RUSC1: variants seen among roughly 807,000 people sequenced by gnomAD.
RUSC1 encodes AP-4 complex accessory subunit RUSC1.
In RUSC1, 40 loss-of-function variants were observed where a neutral mutation model predicts 72.1. The ratio of observed to expected loss-of-function variants is 0.55; its 90% CI spans 0.43 to 0.72. RUSC1 has a LOEUF of 0.72. RUSC1 is among the 30% of genes least tolerant of loss of function. The pLI, the probability that RUSC1 is intolerant of heterozygous loss-of-function variation, is 0.00. For missense variants in RUSC1, 1,092 were observed against 1,172.3 expected, an observed-to-expected ratio of 0.93 and a Z score of 1.00; for synonymous variants, 512 against 494.2, an observed-to-expected ratio of 1.04 and a Z score of -0.48.
At position 155,330,658 on chromosome 1, in the gene RUSC1, C is replaced by T. The variant is rs1558002819; in HGVS notation, c.*87C>T. 8 of 1,319,904 alleles carry T rather than the reference C, an allele frequency of 6.1e-6. No homozygotes were observed. The highest frequency in any genetic ancestry group is 8.1e-6 in the Non-Finnish European group (8 of 982,090). 81.8% of individuals were successfully genotyped at this position (1,319,904 alleles called of 1,614,324 possible). Reference sequence around the variant, plus strand: ...GAACACCATCCCAGAAGCATTTTCCCTCTGCAAAATGACGTTTCTTCCCAC... The same window carrying T: ...GAACACCATCCCAGAAGCATTTTCCTTCTGCAAAATGACGTTTCTTCCCAC... On this transcript the variant is annotated 3_prime_UTR_variant, in exon 10 of 10. Transcript: ENST00000368352.
chr1:155,323,501 T>C (rs970721268), intron 2 of RUSC1: 3 of 165,980 alleles, frequency 1.8e-5, no homozygotes, highest in Non-Finnish European at 2.6e-5. Context: ...GGGTCTCTGC[T>C]CCTGGCTCCT....
chr1:155,322,052 G>A lies in RUSC1; in HGVS notation c.279G>A (p.Gly93=). The change falls in exon 2 of 10, where the codon GGG becomes GGA. Residue 93 remains glycine (G), a synonymous_variant. Transcript: ENST00000368352. ...AGGACCCGTCACAGGAGGAAGAGGG[G>A]GCTGCCTCTCCCTCAGACCCAGGCT... is the stretch of plus-strand genomic sequence containing the variant. ...NRQDPSQEEE[G]AASPSDPGCS... is the part of the protein sequence containing the mutation. 2 of 1,613,590 alleles carry A rather than the reference G, an allele frequency of 1.2e-6. No homozygotes were observed. Among genetic ancestry groups the A allele is most frequent in the East Asian group, 2.2e-5 (1 of 44,884 alleles).
intron 2 of RUSC1, 136 bp from the exon 3 acceptor site, chr1:155,324,709 G>T (rs925125262): frequency 3.2e-6 from 5 of 1,558,464 alleles, no homozygotes; most frequent in East Asian, 4.5e-5. Flanking sequence ...TGCTTCAGGC[G>T]GTCCTGCGCC....
At chr1:155,324,070 G>A (rs1397307667) in intron 2 of RUSC1, 6 of 1,122,906 alleles carry the variant, frequency 5.3e-6, no homozygotes, top group Non-Finnish European at 5.5e-6. Flanking sequence ...TAGTGGACGC[G>A]GGCTTACCCA....
rs201539701 is a variant in RUSC1, at chr1:155,321,981, C to T, written c.208C>T (p.Pro70Ser). The part of the protein sequence containing the change: ...VDANSNSPAV[P>S]CRCCQEHGPG... The stretch of plus-strand genomic sequence containing the variant: ...CGCCAATTCCAACAGCCCAGCTGTG[C>T]CCTGCCGGTGCTGCCAGGAGCACGG... The change falls in exon 2 of 10, where the codon CCC becomes TCC. Residue 70 changes from proline to serine, a missense_variant. Physicochemically the swap from Pro to Ser is moderately conservative, Grantham distance 74. Transcript: ENST00000368352. The T allele has an allele frequency of 6.4e-5, 103 of 1,599,500 alleles. No individual in the cohort carries two copies. In the Middle Eastern group the frequency reaches 1.0e-3, roughly 16 times the overall value.
chr1:155,326,401 G>C lies in RUSC1; in HGVS notation c.1862-179G>C. On this transcript the variant is annotated intron_variant, in intron 7 of 9. Transcript: ENST00000368352. This position sits in a 1 kb window ranked among gnomAD's most constrained non-coding sequence, Gnocchi z 4.7. ...TTGCTGTGTGTGTCTTCCTATTTGG[G>C]CTAGGTTCCATGCAGGCGGGGATGT... 1 of 627,656 alleles carries C rather than the reference G, an allele frequency of 1.6e-6. No individual in the cohort carries two copies. The allele number at this position is 627,656 out of a possible 1,614,324, so 38.9% of individuals were successfully genotyped here. A position where few individuals can be genotyped will look rare whatever the true frequency, so the allele number is the denominator to read the frequency against.
Position 155,324,870 on chromosome 1 carries a change from T to C in RUSC1, c.1383T>C (p.Gly461=). Reference sequence around the variant, plus strand: ...TCCGTAGTTCGTGGTCCTTCGCCGGTGTCCCCGGAGCCCAGCGGCTGTGGA... The same window carrying C: ...TCCGTAGTTCGTGGTCCTTCGCCGGCGTCCCCGGAGCCCAGCGGCTGTGGA... ...LEVRSSWSFA[G]VPGAQRLWMA... is the part of the protein sequence containing the mutation. The change falls in exon 3 of 10, where the codon GGT becomes GGC. Residue 461 remains glycine, a synonymous_variant. Transcript: ENST00000368352. 6.2e-7 allele frequency: 1 copy of C among 1,614,232 alleles called. No homozygotes were observed. Among genetic ancestry groups the C allele is most frequent in the Non-Finnish European group, 8.5e-7 (1 of 1,180,034 alleles).
chr1:155,330,517 G>C lies in RUSC1; in HGVS notation c.2655G>C (p.Gly885=), dbSNP rs1440942940. ...TTVDEDWLRC[G]RDGMEGLVPV... is the part of the protein sequence containing the mutation. ...TGGATGAGGACTGGCTCCGCTGTGG[G>C]CGGGATGGCATGGAGGGTCTGGTGC... The change falls in exon 10 of 10, where the codon GGG becomes GGC. Residue 885 remains glycine (G), a synonymous_variant. Coordinates refer to ENST00000368352, the MANE Select transcript of RUSC1 (RefSeq NM_001105203.2). 1.2e-6 allele frequency: 2 copies of C among 1,613,766 alleles called. No individual in the cohort carries two copies. The highest frequency in any genetic ancestry group is 1.7e-6 in the Non-Finnish European group (2 of 1,179,880).
At chr1:155,324,652 G>T in intron 2 of RUSC1, 193 bp from the exon 3 acceptor site, 1 of 1,527,552 alleles carries the variant, frequency 6.5e-7, no homozygotes, top group East Asian at 2.3e-5. Flanking sequence ...AGCGAGTGCT[G>T]GGAAGTGTGC....
chr1:155,321,752 C>A lies in RUSC1; in HGVS notation c.-22C>A, dbSNP rs1650556205. ...CCCTACCCTTCTGGTTCTCTAGAAG[C>A]CATCCCATCGCCGCTAGCATCATGC... On this transcript the variant is annotated 5_prime_UTR_variant, in exon 2 of 10. Transcript: ENST00000368352. 1.9e-6 allele frequency: 3 copies of A among 1,613,422 alleles called. No individual in the cohort carries two copies. The highest frequency in any genetic ancestry group is 1.1e-5 in the South Asian group (1 of 91,026).
At position 155,322,617 on chromosome 1, in the gene RUSC1, A is replaced by G. The variant is rs1215884157; in HGVS notation, c.844A>G (p.Arg282Gly). ...KFDSGWKTNT[R>G]ITDSGSKTDA... ...CGACTCTGGTTGGAAAACCAACACA[A>G]GAATAACTGATTCTGGCTCGAAAAC... Residue 282 changes from arginine to glycine, a missense_variant, in exon 2 of 10, where the codon AGA becomes GGA. Coordinates refer to ENST00000368352, the MANE Select transcript of RUSC1 (RefSeq NM_001105203.2). 6.2e-7 allele frequency: 1 copy of G among 1,614,284 alleles called. No homozygotes were observed. Among genetic ancestry groups the G allele is most frequent in the Admixed American group, 1.7e-5 (1 of 60,032 alleles).
chr1:155,328,196 G>A lies in RUSC1; in HGVS notation c.2461G>A (p.Val821Met). 1 of 1,613,592 alleles carries A rather than the reference G, an allele frequency of 6.2e-7. No homozygotes were observed. The highest frequency in any genetic ancestry group is 8.5e-7 in the Non-Finnish European group (1 of 1,179,778). The stretch of plus-strand genomic sequence containing the variant: ...CCCGACAGTGAGTGTGTTGGCTCTT[G>A]TGAAGCGGGGGGCACCTCCCGAGAT... ...LPPTVSVLAL[V>M]KRGAPPEMPS... The change falls in exon 9 of 10, where the codon GTG (valine) becomes ATG (methionine). Residue 821 changes from valine (V) to methionine (M), a missense_variant. Transcript: ENST00000368352.
At chr1:155,323,270 A>G in intron 2 of RUSC1, 140 bp downstream of exon 2, 2 of 976,932 alleles carry the variant, frequency 2.0e-6, no homozygotes, top group Non-Finnish European at 2.8e-6. Flanking sequence ...GCTCCGGGAA[A>G]GGGAAACTGG....
chr1:155,321,644 G>T (rs891607701), intron 1 of RUSC1, 44 bp from the exon 2 acceptor site: 1 of 1,345,164 alleles, frequency 7.4e-7, no homozygotes, highest in Non-Finnish European at 1.0e-6. Context: ...CTTCCCCGCA[G>T]CTCTTGTCCT....
Position 155,321,923 on chromosome 1 carries a change from G to A in RUSC1, c.150G>A (p.Glu50=). ...PPPPGDTGGK[E]SRGPCSGTLV... Reference sequence around the variant, plus strand: ...CTCCAGGAGACACTGGGGGCAAGGAGAGCAGGGGCCCCTGCAGTGGCACCC... The same window carrying A: ...CTCCAGGAGACACTGGGGGCAAGGAAAGCAGGGGCCCCTGCAGTGGCACCC... The change falls in exon 2 of 10, where the codon GAG becomes GAA. Residue 50 remains glutamate (E), a synonymous_variant. Transcript: ENST00000368352. 3.7e-6 allele frequency: 6 copies of A among 1,608,134 alleles called. No individual in the cohort carries two copies. Among genetic ancestry groups the A allele is most frequent in the East Asian group, 2.2e-5 (1 of 44,864 alleles).
intron 9 of RUSC1, 127 bp from the exon 10 acceptor site, chr1:155,330,276 A>G: frequency 2.2e-6 from 2 of 908,106 alleles, no homozygotes; most frequent in Admixed American, 5.3e-5. Flanking sequence ...ATGGTTCTCA[A>G]GTCCTTCCAG....
In RUSC1 at chr1:155,322,644, G is replaced by C; in HGVS notation, c.871G>C (p.Asp291His). 6.2e-7 allele frequency: 1 copy of C among 1,614,276 alleles called. No homozygotes were observed. The highest frequency in any genetic ancestry group is 1.3e-5 in the African/African-American group (1 of 75,080). The change falls in exon 2 of 10, where the codon GAT becomes CAT. Residue 291 changes from aspartate (D) to histidine (H), a missense_variant. Physicochemically the swap from Asp to His is moderately conservative, Grantham distance 81. Transcript: ENST00000368352. ...AATAACTGATTCTGGCTCGAAAACAGATGCAGGGAAAATTGATGGAGGATG... is the reference window on the plus strand; with the variant it reads ...AATAACTGATTCTGGCTCGAAAACACATGCAGGGAAAATTGATGGAGGATG... ...TRITDSGSKT[D>H]AGKIDGGWRS...
In RUSC1 at chr1:155,322,984, C is replaced by T; in HGVS notation, c.1211C>T (p.Pro404Leu). 6.6e-7 allele frequency: 1 copy of T among 1,515,944 alleles called. No individual in the cohort carries two copies. Among genetic ancestry groups the T allele is most frequent in the Non-Finnish European group, 8.9e-7 (1 of 1,128,846 alleles). 93.9% of individuals were successfully genotyped at this position (1,515,944 alleles called of 1,614,324 possible). ...TTGGTCCCGCCCCGGCCCCCACCCCCGCCTGTCCCTCCCCGAAGGAAGAAG... is the reference window on the plus strand; with the variant it reads ...TTGGTCCCGCCCCGGCCCCCACCCCTGCCTGTCCCTCCCCGAAGGAAGAAG... ...WALVPPRPPP[P>L]PVPPRRKKNR... is the part of the protein sequence containing the mutation. Residue 404 changes from proline to leucine, a missense_variant, in exon 2 of 10, where the codon CCG (proline) becomes CTG (leucine). Coordinates refer to ENST00000368352, the MANE Select transcript of RUSC1 (RefSeq NM_001105203.2).
chr1:155,322,221 G>C lies in RUSC1; in HGVS notation c.448G>C (p.Ala150Pro). The change falls in exon 2 of 10, where the codon GCA becomes CCA. Residue 150 changes from alanine (A) to proline (P), a missense_variant. Coordinates refer to ENST00000368352, the MANE Select transcript of RUSC1 (RefSeq NM_001105203.2). ...GGAGCAGGGCTCCCCACTGGCTTCA[G>C]CAGGCCCTGGCACCTGCTCACCGGA... ...PLEQGSPLAS[A>P]GPGTCSPDSF... The C allele has an allele frequency of 6.2e-7, 1 of 1,612,102 alleles. No homozygotes were observed. The highest frequency in any genetic ancestry group is 8.5e-7 in the Non-Finnish European group (1 of 1,178,694).
Sources: gnomAD v4.1 joint callset for allele counts on GRCh38, gnomAD v4.1.1 for gene constraint, Gnocchi (gnomAD v3.1) non-coding constraint, MANE v1.5 for transcripts, NCBI Gene and HGNC (gene_info 2026-07-23, HGNC 2026-07-21) for gene names.